Variants in BUB1B observed in about 807,000 individuals in gnomAD.
BUB1B encodes BUB1 mitotic checkpoint serine/threonine kinase B.
Under a neutral mutation model 137.7 loss-of-function variants are expected in BUB1B, and 86 were observed. The ratio of observed to expected loss-of-function variants is 0.62; its 90% CI spans 0.52 to 0.75. The LOEUF is 0.75. Among genes scored for constraint, BUB1B ranks in the 30% least tolerant of loss-of-function variants. The pLI is 0.00. For synonymous variants in BUB1B, 420 were observed against 417.9 expected, an observed-to-expected ratio of 1.00 and a Z score of -0.06; for missense variants, 1,130 against 1,236.9, an observed-to-expected ratio of 0.91 and a Z score of 1.30.
chr15:40,216,569 ATATTTTT>A (rs1442808523), intron 20 of BUB1B, among the ~76,000 whole-genome samples: 2 of 56,298 alleles, frequency 3.6e-5, no homozygotes, highest in Non-Finnish European at 6.4e-5. Context: ...ATATATATAT[ATATTTTT>A]TTTTTTTTTT....
intron 2 of BUB1B, among the ~76,000 whole-genome samples, chr15:40,167,342 CTTTT>C (rs767161007): frequency 1.0e-3 from 77 of 77,094 alleles, no homozygotes; most frequent in African/African-American, 4.6e-3. Context: ...TTCATTTTAG[CTTTT>C]TTTTTTTTTT....
intron 5 of BUB1B, among the ~76,000 whole-genome samples, chr15:40,180,642 C>CTTTTTTTT (rs71132149): frequency 1.5e-5 from 1 of 65,832 alleles, no homozygotes; most frequent in Non-Finnish European, 2.7e-5. Flanking sequence ...TTTTCTTTTT[C>CTTTTTTTT]TTTTTTTTTT....
chr15:40,215,825 A>G (rs985821707), intron 20 of BUB1B, among the ~76,000 whole-genome samples: 5 of 152,170 alleles, frequency 3.3e-5, no homozygotes, highest in African/African-American at 7.2e-5. Context: ...CACATCTGCA[A>G]TCCCAGCACT....
chr15:40,167,691 T>G (rs1157249221), intron 2 of BUB1B, among the ~76,000 whole-genome samples: 1 of 152,212 alleles, frequency 6.6e-6, no homozygotes, highest in Admixed American at 6.5e-5. Context: ...CTTAAATTTT[T>G]CCTTGTATAT....
Position 40,200,967 on chromosome 15 carries a change from A to G in BUB1B, c.1554A>G (p.Gln518=). The G allele has an allele frequency of 6.2e-7, 1 of 1,613,370 alleles. No homozygotes were observed. The highest frequency in any genetic ancestry group is 8.5e-7 in the Non-Finnish European group (1 of 1,179,546). ...TSLAENIWQE[Q]PHSKGPSVPF... ...TTGCGGAGAACATTTGGCAGGAACAACCTCATTCTAAAGGTGAGTTGTATT... is the reference window on the plus strand; with the variant it reads ...TTGCGGAGAACATTTGGCAGGAACAGCCTCATTCTAAAGGTGAGTTGTATT... The change falls in exon 12 of 23, where the codon CAA becomes CAG. Residue 518 remains glutamine, a synonymous_variant. Coordinates refer to ENST00000287598, the MANE Select transcript of BUB1B (RefSeq NM_001211.6).
intron 2 of BUB1B, among the ~76,000 whole-genome samples, chr15:40,169,020 T>G (rs2037131479): frequency 6.6e-6 from 1 of 152,192 alleles, no homozygotes; most frequent in Non-Finnish European, 1.5e-5. Flanking sequence ...GTTTTTCTTA[T>G]TAGAGTATAA....
chr15:40,199,932 G>C (rs1005501997), intron 10 of BUB1B: 1 of 600,102 alleles, frequency 1.7e-6, no homozygotes, highest in Non-Finnish European at 3.0e-6. Flanking sequence ...AAGTGGTGCA[G>C]TTTATTGACT....
intron 4 of BUB1B, among the ~76,000 whole-genome samples, chr15:40,173,741 A>G (rs1338500472): frequency 6.6e-6 from 1 of 152,232 alleles, no homozygotes; most frequent in African/African-American, 2.4e-5. Flanking sequence ...ATCAAATTCA[A>G]ATGATCAGCA....
At chr15:40,210,063 G>C in intron 17 of BUB1B, 47 bp from the exon 18 acceptor site, 1 of 1,456,966 alleles carries the variant, frequency 6.9e-7, no homozygotes, top group South Asian at 1.1e-5. Context: ...CTACAGGGCT[G>C]TATATGTTCA....
At chr15:40,213,669 G>A (rs377223079) in intron 20 of BUB1B, among the ~76,000 whole-genome samples, 195 bp downstream of exon 20, 7 of 152,160 alleles carry the variant, frequency 4.6e-5, no homozygotes, top group African/African-American at 1.7e-4. Flanking sequence ...GCTAGTAGCT[G>A]GGACCACAGG....
rs1369773584 is a variant in BUB1B at position 40,217,502 on chromosome 15, C to T, written c.2685C>T (p.His895=). Residue 895 remains histidine, a synonymous_variant, in exon 21 of 23, where the codon CAC becomes CAT. Transcript: ENST00000287598. ...CTCTTAAATCTGGGCTCAGAATCCA[C>T]GATCCCTATGATTGTAACAAGAACA... ...PRCLILRNRI[H]DPYDCNKNNQ... The T allele has an allele frequency of 6.2e-6, 10 of 1,613,914 alleles. No homozygotes were observed. In the South Asian group the frequency reaches 9.9e-5, roughly 16 times the overall value.
Position 40,185,320 on chromosome 15 carries a change from G to C in BUB1B, c.907G>C (p.Ala303Pro). Residue 303 changes from alanine to proline, a missense_variant, in exon 7 of 23, where the codon GCC becomes CCC. Physicochemically the swap from Ala to Pro is conservative, Grantham distance 27. Coordinates refer to ENST00000287598, the MANE Select transcript of BUB1B (RefSeq NM_001211.6). ...ATGGATAGCACCCCCCATGCCCAGG[G>C]CCAAAGAGAATGAGCTGCAAGCAGG... ...QPWIAPPMPR[A>P]KENELQAGPW... 1 of 1,614,176 alleles carries C rather than the reference G, an allele frequency of 6.2e-7. No individual in the cohort carries two copies. The highest frequency in any genetic ancestry group is 8.5e-7 in the Non-Finnish European group (1 of 1,180,034).
intron 12 of BUB1B, 120 bp downstream of exon 12, chr15:40,201,100 G>A (rs2037563558): frequency 7.8e-6 from 7 of 901,668 alleles, no homozygotes; most frequent in South Asian, 1.5e-5. Flanking sequence ...AGGATACTAG[G>A]AATTTAGTAT....
Position 40,196,840 on chromosome 15 carries a change from A to G in BUB1B, c.1288+66A>G, listed in dbSNP as rs1262667421. 2.1e-6 allele frequency: 3 copies of G among 1,421,428 alleles called. No individual in the cohort carries two copies. In the African/African-American group the frequency reaches 4.2e-5, roughly 20 times the overall value. 88.1% of individuals were successfully genotyped at this position (1,421,428 alleles called of 1,614,324 possible). ...TGTGTGAAGGTTGAGCTGACCTATT[A>G]AGTCTGAAGAAAACTAACCTTATAG... is the stretch of plus-strand genomic sequence containing the variant. On this transcript the variant is annotated intron_variant, in intron 9 of 22. Transcript: ENST00000287598.
intron 20 of BUB1B, among the ~76,000 whole-genome samples, chr15:40,215,194 G>A (rs956704622): frequency 8.5e-5 from 13 of 152,176 alleles, no homozygotes; most frequent in African/African-American, 3.1e-4. Context: ...AAGGGGCCGA[G>A]CACAGTGGCT....
intron 4 of BUB1B, among the ~76,000 whole-genome samples, chr15:40,174,855 T>C (rs1008050198): frequency 2.0e-5 from 3 of 152,108 alleles, no homozygotes; most frequent in Admixed American, 2.0e-4. Flanking sequence ...TCCCAGCTAC[T>C]CGGGAGGCTG....
chr15:40,207,880 T>TAA (rs11285631), intron 15 of BUB1B, among the ~76,000 whole-genome samples: 1 of 147,836 alleles, frequency 6.8e-6, no homozygotes, highest in East Asian at 2.1e-4. Context: ...CTAATAAAAA[T>TAA]AAAAAAAAAA....
intron 20 of BUB1B, among the ~76,000 whole-genome samples, chr15:40,214,879 G>A (rs561609212): frequency 5.5e-5 from 6 of 108,206 alleles, no homozygotes; most frequent in African/African-American, 1.1e-4. Flanking sequence ...CCCCTAAGCC[G>A]TTGTGACCAC....
In BUB1B at chr15:40,212,576, T is replaced by A; in HGVS notation, c.2463T>A (p.His821Gln). Residue 821 changes from histidine to glutamine, a missense_variant, in exon 19 of 23, where the codon CAT (histidine) becomes CAA (glutamine). Coordinates refer to ENST00000287598, the MANE Select transcript of BUB1B (RefSeq NM_001211.6). Reference sequence around the variant, plus strand: ...AACGTTTAAATGAAGATTTTGATCATTTTTGCAGCTGTTATCAATATCAAG... The same window carrying A: ...AACGTTTAAATGAAGATTTTGATCAATTTTGCAGCTGTTATCAATATCAAG... Reference protein sequence around the residue: ...LKERLNEDFDHFCSCYQYQDG... With the variant: ...LKERLNEDFDQFCSCYQYQDG... The A allele has an allele frequency of 2.5e-6, 4 of 1,613,594 alleles. No homozygotes were observed. Among genetic ancestry groups the A allele is most frequent in the Non-Finnish European group, 3.4e-6 (4 of 1,179,618 alleles).
Sources: allele counts gnomAD v4.1 joint callset (sites outside exome capture counted in the v4.1 genomes callset), GRCh38; gene constraint gnomAD v4.1.1; transcripts MANE v1.5; gene names NCBI Gene and HGNC (gene_info 2026-07-23, HGNC 2026-07-21).